The following SLC30A9 variants were observed in gnomAD, a reference collection of about 807,000 sequenced individuals.
The protein encoded by SLC30A9 is solute carrier family 30 member 9.
SLC30A9 carries 58 observed loss-of-function variants against 87.5 expected under a neutral mutation model. The observed-to-expected ratio is 0.66, with a 90% CI of 0.54 to 0.82. The LOEUF (loss-of-function observed/expected upper bound fraction) is 0.82. Ranked by LOEUF, SLC30A9 falls within the 40% of genes least tolerant of loss-of-function variation. The pLI is 0.00. For missense variants in SLC30A9, 557 were observed against 679.1 expected (o/e 0.82, Z 2.00); for synonymous variants, 234 against 233.0 (o/e 1.00, Z -0.04).
chr4:41,994,939 A>G (rs907336296), intron 1 of SLC30A9, among the ~76,000 whole-genome samples: 1 of 151,730 alleles, frequency 6.6e-6, no homozygotes, highest in African/African-American at 2.4e-5. Context: ...TCTTAGTCTG[A>G]TTAAGAGAGC....
chr4:42,022,447 G>C (rs79158176), intron 4 of SLC30A9, among the ~76,000 whole-genome samples: 3 of 151,030 alleles, frequency 2.0e-5, no homozygotes, highest in Admixed American at 6.6e-5. Flanking sequence ...GACCAGGCTG[G>C]TCTCGAACTC....
At chr4:42,058,242 G>A (rs1413960312) in intron 9 of SLC30A9, among the ~76,000 whole-genome samples, 1 of 152,038 alleles carries the variant, frequency 6.6e-6, no homozygotes, top group African/African-American at 2.4e-5. Context: ...CTAGGGCAGG[G>A]GCAAAATGCT....
At chr4:42,062,862 T>C in intron 10 of SLC30A9, 124 bp from the exon 11 acceptor site, 2 of 821,586 alleles carry the variant, frequency 2.4e-6, no homozygotes, top group Non-Finnish European at 1.8e-6. Flanking sequence ...ACTTAACATC[T>C]TACTTAAATA....
intron 2 of SLC30A9, among the ~76,000 whole-genome samples, chr4:42,011,066 GAGA>G (rs1715420586): frequency 6.6e-6 from 1 of 152,094 alleles, no homozygotes; most frequent in African/African-American, 2.4e-5. Context: ...GGGAGGCAAG[GAGA>G]AGACCAGTGT....
At chr4:42,047,399 G>T (rs1403927701) in intron 8 of SLC30A9, among the ~76,000 whole-genome samples, 1 of 151,880 alleles carries the variant, frequency 6.6e-6, no homozygotes, top group Non-Finnish European at 1.5e-5. Flanking sequence ...ACAAACAACT[G>T]CATCAAAAAG....
At chr4:42,051,041 A>C (rs1408452910) in intron 9 of SLC30A9, among the ~76,000 whole-genome samples, 1 of 152,228 alleles carries the variant, frequency 6.6e-6, no homozygotes, top group Admixed American at 6.5e-5. Context: ...AGATGTGAGC[A>C]TCAATCTGGG....
chr4:42,040,583 G>T lies in SLC30A9; in HGVS notation c.737+1530G>T, dbSNP rs143452867. Among the ~76,000 whole-genome samples the T allele has an allele frequency of 6.8e-3, 1,031 of 152,032 alleles. 15 individuals carry two copies. The highest frequency in any genetic ancestry group is 0.024 in the African/African-American group (998 of 41,462). On this transcript the variant is annotated intron_variant, in intron 8 of 17. Transcript: ENST00000264451. The stretch of plus-strand genomic sequence containing the variant: ...GCTTTGGGAGACCTCGTGATCCGAG[G>T]TCAGGAGATTGAGACCATCCTGGCT...
At chr4:42,002,676 T>C (rs1010622788) in intron 2 of SLC30A9, among the ~76,000 whole-genome samples, 6 of 152,180 alleles carry the variant, frequency 3.9e-5, no homozygotes, top group Non-Finnish European at 7.4e-5. Flanking sequence ...CAGTACCCCA[T>C]TGATGGACAC....
At chr4:42,083,896 A>G (rs1207157048) in intron 17 of SLC30A9, among the ~76,000 whole-genome samples, 1 of 152,126 alleles carries the variant, frequency 6.6e-6, no homozygotes, top group Non-Finnish European at 1.5e-5. Flanking sequence ...CCACATTAGG[A>G]TCTAAGAGGA....
intron 5 of SLC30A9, 52 bp downstream of exon 5, chr4:42,022,982 T>TA: frequency 9.8e-7 from 1 of 1,025,132 alleles, no homozygotes; most frequent in South Asian, 1.6e-5. Flanking sequence ...TTTGGATTAA[T>TA]AAAAATACAT....
At chr4:42,033,578 G>C (rs17838947) in intron 6 of SLC30A9, among the ~76,000 whole-genome samples, 111,306 of 152,104 alleles carry the variant, frequency 0.73, 42,342 homozygotes, top group East Asian at 0.96. Flanking sequence ...ATACTTTCTG[G>C]TCTTGCTTTT....
intron 1 of SLC30A9, 104 bp from the exon 2 acceptor site, chr4:42,001,512 G>A (rs929612430): frequency 7.3e-6 from 4 of 547,748 alleles, no homozygotes; most frequent in African/African-American, 2.0e-5. Context: ...GGTATTTCAT[G>A]TGTACCTAGA....
chr4:42,035,417 C>A (rs1716639064), intron 7 of SLC30A9, 84 bp downstream of exon 7: 2 of 1,455,126 alleles, frequency 1.4e-6, no homozygotes, highest in Non-Finnish European at 1.9e-6. Context: ...TCTAGCATGT[C>A]TGTGATCTCA....
chr4:42,063,088 G>A lies in SLC30A9; in HGVS notation c.999G>A (p.Leu333=). Residue 333 remains leucine (L), a synonymous_variant, in exon 11 of 18, where the codon TTG becomes TTA. Transcript: ENST00000264451. ...CTTGGTACCATGGAGTCATGGGATTGCTTCATCCTCAACCAATAGAATCCC... is the reference window on the plus strand; with the variant it reads ...CTTGGTACCATGGAGTCATGGGATTACTTCATCCTCAACCAATAGAATCCC... ...GLSWYHGVMG[L]LHPQPIESLL... is the part of the protein sequence containing the mutation. 2 of 1,613,756 alleles carry A rather than the reference G, an allele frequency of 1.2e-6. No homozygotes were observed. Among genetic ancestry groups the A allele is most frequent in the Non-Finnish European group, 1.7e-6 (2 of 1,179,804 alleles).
intron 17 of SLC30A9, among the ~76,000 whole-genome samples, chr4:42,079,848 C>T (rs1268437458): frequency 6.6e-6 from 1 of 151,936 alleles, no homozygotes; most frequent in East Asian, 1.9e-4. Context: ...GAACTCCTGA[C>T]CTTGTGATGT....
In SLC30A9 at chr4:42,023,342, G is replaced by C. The variant is rs762594381; in HGVS notation, c.568G>C (p.Glu190Gln). The change falls in exon 6 of 18, where the codon GAG becomes CAG. Residue 190 changes from glutamate (E) to glutamine (Q), a missense_variant. By Grantham distance (29) the Glu-to-Gln change is conservative (BLOSUM62 2). Transcript: ENST00000264451. Reference sequence around the variant, plus strand: ...GGGAAGCCCTGAAGCTCTTGCCAGAGAGAAAAAATTGCGTAAGGAAGCAGA... The same window carrying C: ...GGGAAGCCCTGAAGCTCTTGCCAGACAGAAAAAATTGCGTAAGGAAGCAGA... ...VWGSPEALAR[E>Q]KKLRKEAEIE... 1 of 1,613,540 alleles carries C rather than the reference G, an allele frequency of 6.2e-7. No homozygotes were observed. The highest frequency in any genetic ancestry group is 1.3e-5 in the African/African-American group (1 of 74,908).
Position 41,990,705 on chromosome 4 carries a change from G to A in SLC30A9, c.54G>A (p.Leu18=). 6.2e-7 allele frequency: 1 copy of A among 1,612,342 alleles called. No homozygotes were observed. The highest frequency in any genetic ancestry group is 8.5e-7 in the Non-Finnish European group (1 of 1,179,446). The change falls in exon 1 of 18, where the codon CTG becomes CTA. Residue 18 remains leucine, a synonymous_variant. Transcript: ENST00000264451. ...CCCACAGATGTAGCTGGTCCTCCCT[G>A]TGCCGGCTCCGTCTGCGATGCAGGG... ...AAAHRCSWSS[L]CRLRLRCRAA... is the part of the protein sequence containing the mutation.
At chr4:42,082,037 G>A (rs866829269) in intron 17 of SLC30A9, among the ~76,000 whole-genome samples, 4 of 151,994 alleles carry the variant, frequency 2.6e-5, no homozygotes, top group East Asian at 1.9e-4. Context: ...CTAAAATGAC[G>A]AAACCCCGTC....
intron 1 of SLC30A9, among the ~76,000 whole-genome samples, chr4:41,996,807 G>A (rs540159893): frequency 6.6e-6 from 1 of 152,248 alleles, no homozygotes; most frequent in African/African-American, 2.4e-5. Flanking sequence ...GCCAAGGAGG[G>A]TGGATTACCT....
Sources: gnomAD v4.1 joint callset for allele counts (sites outside exome capture counted in the v4.1 genomes callset) on GRCh38, gnomAD v4.1.1 for gene constraint, MANE v1.5 for transcripts, NCBI Gene and HGNC (gene_info 2026-07-23, HGNC 2026-07-21) for gene names.